The following RANBP17 variants were observed in gnomAD, a reference collection of about 807,000 sequenced individuals.
RANBP17 encodes the protein ran-binding protein 17.
Under a neutral mutation model 141.2 loss-of-function variants are expected in RANBP17, and 158 were observed. That is an observed-to-expected ratio of 1.12 (90% CI 0.98 to 1.28). The LOEUF (loss-of-function observed/expected upper bound fraction) is 1.28, where lower values mean the gene tolerates loss of function less well. RANBP17 is among the 50% of genes most tolerant of loss of function. The pLI is 0.00. For synonymous variants in RANBP17, 430 were observed against 450.0 expected (o/e 0.96, Z 0.56); for missense variants, 1,438 against 1,290.7 (o/e 1.11, Z -1.75).
intron 1 of RANBP17, among the ~76,000 whole-genome samples, chr5:170,871,947 T>G (rs1488690119): frequency 6.6e-6 from 1 of 152,210 alleles, no homozygotes; most frequent in Non-Finnish European, 1.5e-5. Context: ...TGAAGTCAGG[T>G]AGTGTGATGC....
At chr5:171,222,106 G>A (rs969723983) in intron 22 of RANBP17, among the ~76,000 whole-genome samples, 1 of 152,190 alleles carries the variant, frequency 6.6e-6, no homozygotes, top group African/African-American at 2.4e-5. Flanking sequence ...ACACTAGGTA[G>A]AATATTGAAA....
intron 24 of RANBP17, among the ~76,000 whole-genome samples, chr5:171,259,612 AAGAC>A (rs1330127129): frequency 2.0e-5 from 3 of 152,236 alleles, no homozygotes; most frequent in African/African-American, 7.2e-5. Context: ...CAGGCAAAGA[AAGAC>A]AGATACCACA....
chr5:171,007,010 C>G (rs1779676739), intron 14 of RANBP17, among the ~76,000 whole-genome samples: 2 of 152,122 alleles, frequency 1.3e-5, no homozygotes, highest in Non-Finnish European at 2.9e-5. Flanking sequence ...GGGAACTGCT[C>G]TCATGCCTTC....
intron 14 of RANBP17, among the ~76,000 whole-genome samples, chr5:171,144,630 T>C (rs1026916505): frequency 7.2e-5 from 11 of 152,216 alleles, no homozygotes; most frequent in Non-Finnish European, 1.5e-4. Flanking sequence ...TCTTGTTTTG[T>C]TAAAGGTGTT....
At chr5:171,109,955 T>G (rs1241401190) in intron 14 of RANBP17, among the ~76,000 whole-genome samples, 1 of 152,178 alleles carries the variant, frequency 6.6e-6, no homozygotes, top group Non-Finnish European at 1.5e-5. Flanking sequence ...AAAAGCAGGT[T>G]AGAAAATTGC....
At chr5:171,168,728 C>T (rs1308161392) in intron 14 of RANBP17, among the ~76,000 whole-genome samples, 2 of 152,172 alleles carry the variant, frequency 1.3e-5, no homozygotes, top group East Asian at 1.9e-4. Flanking sequence ...TGAAGGCCTA[C>T]TCTCATGGGC....
chr5:171,035,112 A>G (rs1409149026), intron 14 of RANBP17, among the ~76,000 whole-genome samples: 1 of 152,216 alleles, frequency 6.6e-6, no homozygotes, highest in Non-Finnish European at 1.5e-5. Flanking sequence ...TGGGGTTGTT[A>G]TATATATGAT....
intron 14 of RANBP17, among the ~76,000 whole-genome samples, chr5:171,140,881 A>G (rs1038235238): frequency 6.6e-6 from 1 of 152,218 alleles, no homozygotes; most frequent in African/African-American, 2.4e-5. Flanking sequence ...ATGAAAAGCT[A>G]TTCCAAGTCC....
chr5:171,024,024 AAAAT>A (rs1212899952), intron 14 of RANBP17, among the ~76,000 whole-genome samples: 1 of 152,222 alleles, frequency 6.6e-6, no homozygotes, highest in African/African-American at 2.4e-5. Context: ...AGAAAGTTAA[AAAAT>A]AAATATTCAT....
chr5:171,294,057 A>C (rs567314405), intron 26 of RANBP17, 76 bp downstream of exon 26: 9 of 1,085,118 alleles, frequency 8.3e-6, no homozygotes, highest in Non-Finnish European at 1.3e-5. Context: ...GTGAGCTGTG[A>C]TGACGAAGGA....
At chr5:171,115,910 T>C (rs1038944183) in intron 14 of RANBP17, among the ~76,000 whole-genome samples, 2 of 152,242 alleles carry the variant, frequency 1.3e-5, no homozygotes, top group Admixed American at 1.3e-4. Context: ...CACAGTGTCA[T>C]GCTAACCTAG....
intron 13 of RANBP17, among the ~76,000 whole-genome samples, chr5:170,963,413 A>G (rs1776288995): frequency 6.6e-6 from 1 of 152,258 alleles, no homozygotes; most frequent in Non-Finnish European, 1.5e-5. Flanking sequence ...TGCAAAATCC[A>G]TGAAAGAAAA....
At chr5:171,124,010 C>A (rs1023418257) in intron 14 of RANBP17, among the ~76,000 whole-genome samples, 1 of 152,118 alleles carries the variant, frequency 6.6e-6, no homozygotes, top group African/African-American at 2.4e-5. Flanking sequence ...CACATTAATT[C>A]TCTAAAGTAA....
At chr5:171,285,205 CT>C (rs1768095851) in intron 25 of RANBP17, among the ~76,000 whole-genome samples, 1 of 152,210 alleles carries the variant, frequency 6.6e-6, no homozygotes, top group Admixed American at 6.5e-5. Flanking sequence ...TTAAAATCAC[CT>C]ATCCTATGAA....
At chr5:171,065,113 A>C (rs1389056916) in intron 14 of RANBP17, among the ~76,000 whole-genome samples, 2 of 152,174 alleles carry the variant, frequency 1.3e-5, no homozygotes, top group Non-Finnish European at 2.9e-5. Context: ...CTTTTGGTGC[A>C]TATATAGATT....
At chr5:171,190,508 T>G (rs1761554734) in intron 18 of RANBP17, among the ~76,000 whole-genome samples, 1 of 152,142 alleles carries the variant, frequency 6.6e-6, no homozygotes. Context: ...TCAAAATGAA[T>G]GCAGAAAATC....
chr5:170,932,228 G>A (rs1429130416), intron 12 of RANBP17, among the ~76,000 whole-genome samples: 1 of 152,122 alleles, frequency 6.6e-6, no homozygotes, highest in Non-Finnish European at 1.5e-5. Context: ...TGGTGTATAG[G>A]AATGCTTGTG....
At chr5:170,927,981 TC>T (rs1217038658) in intron 12 of RANBP17, among the ~76,000 whole-genome samples, 2 of 152,094 alleles carry the variant, frequency 1.3e-5, no homozygotes, top group Non-Finnish European at 2.9e-5. Context: ...CATTTTTCAT[TC>T]CCATTAACAT....
intron 25 of RANBP17, among the ~76,000 whole-genome samples, chr5:171,285,805 T>G (rs1408590826): frequency 6.6e-6 from 1 of 152,252 alleles, no homozygotes; most frequent in Non-Finnish European, 1.5e-5. Flanking sequence ...GAATTATTTA[T>G]CATAATTTAT....
Sources: gnomAD v4.1 joint callset for allele counts (sites outside exome capture counted in the v4.1 genomes callset) on GRCh38, gnomAD v4.1.1 for gene constraint, MANE v1.5 for transcripts, NCBI Gene and HGNC (gene_info 2026-07-23, HGNC 2026-07-21) for gene names.